ATP2B2: variants seen among roughly 807,000 people sequenced by gnomAD.
ATP2B2 encodes the protein ATPase plasma membrane Ca2+ transporting 2, also known as plasma membrane calcium-transporting ATPase 2.
A neutral mutation model predicts 120.0 loss-of-function variants in ATP2B2; 15 were observed. The ratio of observed to expected loss-of-function variants is 0.12; its 90% confidence interval spans 0.08 to 0.19. The LOEUF (loss-of-function observed/expected upper bound fraction) is 0.19. ATP2B2 is among the 10% of genes least tolerant of loss of function. ATP2B2 has a pLI of 1.00. For synonymous variants in ATP2B2, 694 were observed against 700.3 expected (o/e 0.99, Z 0.14); for missense variants, 1,045 against 1,719.8 (o/e 0.61, Z 6.94).
At chr3:10,458,181 C>A (rs1172574890) in intron 1 of ATP2B2, among the ~76,000 whole-genome samples, 1 of 152,150 alleles carries the variant, frequency 6.6e-6, no homozygotes, top group Non-Finnish European at 1.5e-5. Context: ...CATCCACCTA[C>A]CCAATAAAAC....
At chr3:10,470,691 C>G (rs1005949048) in intron 1 of ATP2B2, among the ~76,000 whole-genome samples, 1 of 152,176 alleles carries the variant, frequency 6.6e-6, no homozygotes, top group Non-Finnish European at 1.5e-5. Context: ...TGGGGTTGTG[C>G]CCCTCTGCCA....
At chr3:10,643,165 G>T (rs529810746) in intron 1 of ATP2B2, among the ~76,000 whole-genome samples, 4 of 152,348 alleles carry the variant, frequency 2.6e-5, no homozygotes, top group African/African-American at 9.6e-5. Flanking sequence ...AATCTGGGAT[G>T]ATGTGAGCAC....
intron 22 of ATP2B2, chr3:10,335,989 T>G (rs2060105526): frequency 1.9e-6 from 2 of 1,060,908 alleles, no homozygotes; most frequent in Non-Finnish European, 2.7e-6. Context: ...AACGGGACCC[T>G]CTTCGGTGGC....
At chr3:10,406,486 T>C (rs963099518) in intron 3 of ATP2B2, among the ~76,000 whole-genome samples, 5 of 152,344 alleles carry the variant, frequency 3.3e-5, no homozygotes, top group African/African-American at 1.2e-4. Context: ...CTTCTCTATG[T>C]TTAGATACAC....
intron 2 of ATP2B2, among the ~76,000 whole-genome samples, chr3:10,592,626 T>G (rs1444499689): frequency 6.6e-6 from 1 of 152,238 alleles, no homozygotes; most frequent in Non-Finnish European, 1.5e-5. Flanking sequence ...CTTGTAATCA[T>G]GAACATGAAA....
At chr3:10,334,421 A>C (rs780400212) in intron 22 of ATP2B2, among the ~76,000 whole-genome samples, 3 of 152,074 alleles carry the variant, frequency 2.0e-5, no homozygotes, top group Non-Finnish European at 4.4e-5. Flanking sequence ...GCCAGAGCTG[A>C]GTTGGTGCAG....
intron 1 of ATP2B2, among the ~76,000 whole-genome samples, chr3:10,491,710 T>G: frequency 6.6e-6 from 1 of 152,072 alleles, no homozygotes; most frequent in East Asian, 1.9e-4. Flanking sequence ...GGGCTACACA[T>G]AAAATGATAC....
chr3:10,668,547 T>A (rs1291111989), intron 1 of ATP2B2, among the ~76,000 whole-genome samples: 1 of 152,114 alleles, frequency 6.6e-6, no homozygotes, highest in Admixed American at 6.5e-5. Context: ...GCTGTTCCCA[T>A]CCCACAAGAT....
At chr3:10,677,661 C>T (rs113277107) in intron 1 of ATP2B2, among the ~76,000 whole-genome samples, 2 of 152,236 alleles carry the variant, frequency 1.3e-5, no homozygotes, top group African/African-American at 4.8e-5. Flanking sequence ...GACCTCTCTC[C>T]TATGCCTTCC....
intron 14 of ATP2B2, among the ~76,000 whole-genome samples, chr3:10,354,031 C>T (rs548839532): frequency 6.6e-6 from 1 of 152,314 alleles, no homozygotes; most frequent in South Asian, 2.1e-4. Flanking sequence ...CACTCTGCAT[C>T]CCTTCCTGCC....
intron 1 of ATP2B2, among the ~76,000 whole-genome samples, chr3:10,683,758 G>GTGTGTATA (rs1334250607): frequency 1.2e-4 from 4 of 33,636 alleles, no homozygotes; most frequent in Admixed American, 3.5e-4. Context: ...ATGTGTGTGT[G>GTGTGTATA]TGTATATATA....
intron 2 of ATP2B2, among the ~76,000 whole-genome samples, chr3:10,433,818 C>T (rs557300495): frequency 1.2e-4 from 18 of 152,288 alleles, no homozygotes; most frequent in African/African-American, 4.1e-4. Flanking sequence ...CTTGATTGCC[C>T]ACCTAAAGCT....
intron 6 of ATP2B2, among the ~76,000 whole-genome samples, chr3:10,386,833 C>T (rs959568314): frequency 2.0e-5 from 3 of 152,202 alleles, no homozygotes; most frequent in Admixed American, 2.0e-4. Context: ...CTGACATCTC[C>T]ATCTCACAGG....
chr3:10,559,601 C>CAG (rs2067857124), intron 2 of ATP2B2, among the ~76,000 whole-genome samples: 1 of 152,106 alleles, frequency 6.6e-6, no homozygotes, highest in South Asian at 2.1e-4. Flanking sequence ...ATCCAGGGTA[C>CAG]AGAGAGATGT....
rs143490373 is a variant in ATP2B2 at position 10,329,108 on chromosome 3, C to T, written c.3438G>A (p.Ala1146=). 309 of 1,613,008 alleles carry T rather than the reference C, an allele frequency of 1.9e-4. No individual in the cohort carries two copies. Among genetic ancestry groups the T allele is most frequent in the Middle Eastern group, 4.9e-4 (3 of 6,082 alleles). ...RIQTQIRVVK[A]FRSSLYEGLE... ...AACCTTCATAGAGAGAGCTACGGAA[C>T]GCCTTCACGACGCGGATCTGCAAGG... Residue 1146 remains alanine (A), a synonymous_variant, in exon 23 of 23, where the codon GCG becomes GCA. Coordinates refer to ENST00000360273, the MANE Select transcript of ATP2B2 (RefSeq NM_001001331.4). The surrounding 1 kb of genome is among the most constrained non-coding windows in gnomAD (Gnocchi z 5.9).
chr3:10,393,275 C>A (rs1307368864), intron 5 of ATP2B2, among the ~76,000 whole-genome samples: 1 of 152,160 alleles, frequency 6.6e-6, no homozygotes, highest in East Asian at 1.9e-4. Flanking sequence ...AGCTCAGCGC[C>A]CACGAAGGGA....
intron 1 of ATP2B2, chr3:10,626,869 C>G (rs1195799353): frequency 0.022 from 5 of 228 alleles, no homozygotes; most frequent in African/African-American, 0.031. Flanking sequence ...TAGTGAGACA[C>G]ACACACACAC....
Position 10,344,129 on chromosome 3 carries a change from G to A in ATP2B2, c.2704-1164C>T, listed in dbSNP as rs569018004. Among the ~76,000 whole-genome samples the A allele has an allele frequency of 6.6e-5, 10 of 151,366 alleles. No homozygotes were observed. The South Asian group carries it at 1.1e-3, about 16-fold the overall frequency. On this transcript the variant is annotated intron_variant, in intron 18 of 22. Transcript: ENST00000360273. Reference sequence around the variant, plus strand: ...CCCTTGCCCCCGTCCTCCCCACCCCGGGCTTTCTCTAATTCCATATACCTC... The same window carrying A: ...CCCTTGCCCCCGTCCTCCCCACCCCAGGCTTTCTCTAATTCCATATACCTC...
Position 10,359,080 on chromosome 3 carries a change from C to A in ATP2B2, c.1902-155G>T, listed in dbSNP as rs549586089. ...CCCAGGCAGGGTGAAATCAAGCATT[C>A]GTCCTGCAATTTTTGCCCAGGCCAC... On this transcript the variant is annotated intron_variant, in intron 13 of 22. Coordinates refer to ENST00000360273, the MANE Select transcript of ATP2B2 (RefSeq NM_001001331.4). Among the ~76,000 whole-genome samples the A allele has an allele frequency of 2.6e-5, 4 of 152,314 alleles. No homozygotes were observed. The East Asian group carries it at 7.7e-4, about 29-fold the overall frequency.
Sources: allele counts gnomAD v4.1 joint callset (sites outside exome capture counted in the v4.1 genomes callset), GRCh38; gene constraint gnomAD v4.1.1; non-coding constraint Gnocchi (gnomAD v3.1); transcripts MANE v1.5; gene names NCBI Gene and HGNC (gene_info 2026-07-23, HGNC 2026-07-21).